Variants in YWHAB observed in about 807,000 individuals in gnomAD.
The protein encoded by YWHAB is 14-3-3 protein beta/alpha.
In YWHAB, 2 loss-of-function variants were observed where a neutral mutation model predicts 28.5. The ratio of observed to expected loss-of-function variants is 0.07; its 90% CI spans 0.03 to 0.22. The LOEUF (loss-of-function observed/expected upper bound fraction) is 0.22. Ranked by LOEUF, YWHAB falls within the 10% of genes least tolerant of loss-of-function variation. The pLI, the probability that YWHAB is intolerant of heterozygous loss-of-function variation, is 1.00. For missense variants in YWHAB, 148 were observed against 297.1 expected (o/e 0.50, Z 3.69); for synonymous variants, 103 against 104.7 (o/e 0.98, Z 0.10).
intron 1 of YWHAB, among the ~76,000 whole-genome samples, chr20:44,899,008 C>G (rs145788227): frequency 1.3e-5 from 2 of 152,032 alleles, no homozygotes; most frequent in South Asian, 4.2e-4. Context: ...CCCAGCTACT[C>G]GGGTGGCTGA....
chr20:44,892,182 T>A (rs1011422257), intron 1 of YWHAB, among the ~76,000 whole-genome samples: 1 of 152,264 alleles, frequency 6.6e-6, no homozygotes, highest in Non-Finnish European at 1.5e-5. Context: ...GATCAGTTCC[T>A]TACCCCATTG....
chr20:44,894,631 A>G (rs1722459999), intron 1 of YWHAB, among the ~76,000 whole-genome samples: 1 of 152,240 alleles, frequency 6.6e-6, no homozygotes, highest in Non-Finnish European at 1.5e-5. Context: ...GGGCTGCTAC[A>G]GTGTAATAGT....
chr20:44,905,231 TGA>T, intron 4 of YWHAB, 100 bp downstream of exon 4: 1 of 1,299,750 alleles, frequency 7.7e-7, no homozygotes, highest in Admixed American at 2.7e-5. Context: ...GGACTTTTTT[TGA>T]AAGATTTTCT....
chr20:44,905,290 T>G lies in YWHAB; in HGVS notation c.588+159T>G, dbSNP rs528843666. On this transcript the variant is annotated intron_variant, in intron 4 of 5. Transcript: ENST00000353703. ...ATGAGATAAATACAGATCTGTTACT[T>G]TTTTAATTCATTCTCAATACCTTCT... The G allele has an allele frequency of 6.5e-6, 4 of 612,370 alleles. No individual in the cohort carries two copies. The South Asian group carries it at 1.5e-4, about 24-fold the overall frequency. 37.9% of individuals were successfully genotyped at this position (612,370 alleles called of 1,614,324 possible).
At chr20:44,888,325 C>T (rs188912883) in intron 1 of YWHAB, among the ~76,000 whole-genome samples, 3 of 152,300 alleles carry the variant, frequency 2.0e-5, no homozygotes, top group Admixed American at 1.3e-4. Flanking sequence ...TTACTGTGTG[C>T]TAAGCTTTCT....
intron 3 of YWHAB, among the ~76,000 whole-genome samples, chr20:44,904,370 T>C (rs2066644478): frequency 6.6e-6 from 1 of 152,234 alleles, no homozygotes; most frequent in Admixed American, 6.5e-5. Flanking sequence ...TATTATTTGT[T>C]AGCTCTCTTT....
intron 1 of YWHAB, among the ~76,000 whole-genome samples, chr20:44,899,196 G>A (rs915928057): frequency 3.0e-4 from 46 of 151,726 alleles, no homozygotes; most frequent in Admixed American, 3.0e-3. Context: ...TACTGGCATT[G>A]GCTAGGTGCA....
intron 1 of YWHAB, among the ~76,000 whole-genome samples, chr20:44,890,567 G>T (rs561617548): frequency 2.2e-5 from 3 of 139,046 alleles, no homozygotes; most frequent in Non-Finnish European, 3.0e-5. Context: ...CTGGAGTGCA[G>T]TGGCACGATC....
At chr20:44,900,739 A>G (rs1015382836) in intron 1 of YWHAB, among the ~76,000 whole-genome samples, 2 of 152,194 alleles carry the variant, frequency 1.3e-5, no homozygotes, top group Non-Finnish European at 1.5e-5. Flanking sequence ...AACAAACCAG[A>G]CAATTACTGA....
At chr20:44,904,706 T>G (rs1473679647) in intron 3 of YWHAB, among the ~76,000 whole-genome samples, 1 of 152,236 alleles carries the variant, frequency 6.6e-6, no homozygotes, top group Admixed American at 6.5e-5. Flanking sequence ...TTTCACATTC[T>G]ATATTGTTAA....
intron 1 of YWHAB, among the ~76,000 whole-genome samples, chr20:44,892,988 C>G (rs930760099): frequency 2.6e-5 from 4 of 152,106 alleles, no homozygotes; most frequent in African/African-American, 9.7e-5. Flanking sequence ...GCCTTGAAAA[C>G]AAAACATAGC....
At chr20:44,906,142 T>C in intron 5 of YWHAB, 46 bp downstream of exon 5, 1 of 1,426,776 alleles carries the variant, frequency 7.0e-7, no homozygotes, top group Non-Finnish European at 9.8e-7. Context: ...CCTATTCACC[T>C]ACTTAATAAT....
At chr20:44,888,164 A>G (rs911697202) in intron 1 of YWHAB, among the ~76,000 whole-genome samples, 5 of 152,214 alleles carry the variant, frequency 3.3e-5, no homozygotes, top group Admixed American at 2.6e-4. Context: ...GTTATTGACC[A>G]TCTGCATGAA....
intron 1 of YWHAB, among the ~76,000 whole-genome samples, chr20:44,894,514 A>G (rs1240495570): frequency 6.6e-6 from 1 of 152,214 alleles, no homozygotes; most frequent in East Asian, 1.9e-4. Context: ...ATATATGTCC[A>G]TTTTAACATA....
intron 1 of YWHAB, among the ~76,000 whole-genome samples, chr20:44,893,138 A>G (rs1308495215): frequency 6.6e-6 from 1 of 151,996 alleles, no homozygotes; most frequent in Non-Finnish European, 1.5e-5. Flanking sequence ...TTCTTCTCCT[A>G]GGATATCTGC....
chr20:44,899,009 G>A (rs542784209), intron 1 of YWHAB, among the ~76,000 whole-genome samples: 26 of 152,194 alleles, frequency 1.7e-4, no homozygotes, highest in African/African-American at 6.0e-4. Flanking sequence ...CCAGCTACTC[G>A]GGTGGCTGAG....
chr20:44,887,612 C>G (rs1170372984), intron 1 of YWHAB: 2 of 152,134 alleles, frequency 1.3e-5, no homozygotes, highest in Non-Finnish European at 2.9e-5. Context: ...TCTATAAAAC[C>G]AGGCTGAGCA....
At chr20:44,901,457 A>G (rs1911877080) in intron 1 of YWHAB, 74 bp from the exon 2 acceptor site, 4 of 1,445,880 alleles carry the variant, frequency 2.8e-6, no homozygotes, top group African/African-American at 2.8e-5. Flanking sequence ...ATGGGTTGGA[A>G]GAAGATTCAC....
chr20:44,905,580 G>A (rs1370646562), intron 4 of YWHAB: 4 of 163,014 alleles, frequency 2.5e-5, no homozygotes, highest in Non-Finnish European at 5.3e-5. Context: ...ATTTTTATTC[G>A]GGAAAGGTGC....
Sources: gnomAD v4.1 joint callset for allele counts (sites outside exome capture counted in the v4.1 genomes callset) on GRCh38, gnomAD v4.1.1 for gene constraint, MANE v1.5 for transcripts, NCBI Gene and HGNC (gene_info 2026-07-23, HGNC 2026-07-21) for gene names.